Variants in TICRR observed in about 807,000 individuals in gnomAD.
The protein encoded by TICRR is treslin.
TICRR carries 132 observed loss-of-function variants against 178.1 expected under a neutral mutation model. The observed-to-expected ratio is 0.74, with a 90% CI of 0.64 to 0.86. TICRR has a LOEUF of 0.86. Ranked by LOEUF, TICRR falls within the 40% of genes least tolerant of loss-of-function variation. The pLI, the probability that TICRR is intolerant of heterozygous loss-of-function variation, is 0.00. For synonymous variants in TICRR, 991 were observed against 900.7 expected, an observed-to-expected ratio of 1.10 and a Z score of -1.79; for missense variants, 2,587 against 2,334.3, an observed-to-expected ratio of 1.11 and a Z score of -2.23.
In TICRR at chr15:89,575,837, T is replaced by G; in HGVS notation, c.251T>G (p.Leu84Arg). 6.3e-7 allele frequency: 1 copy of G among 1,591,470 alleles called. No individual in the cohort carries two copies. The change falls in exon 1 of 22, where the codon CTC (leucine) becomes CGC (arginine). Residue 84 changes from leucine (L) to arginine (R), a missense_variant. By Grantham distance (102) the Leu-to-Arg change is moderately radical (BLOSUM62 -2). Transcript: ENST00000268138. Reference sequence around the variant, plus strand: ...TTTGAGGAGGAGCTGGAGGCCAGGCTCGAGGATCGCGCCCACCTGCCCGGC... The same window carrying G: ...TTTGAGGAGGAGCTGGAGGCCAGGCGCGAGGATCGCGCCCACCTGCCCGGC... ...EDFEEELEAR[L>R]EDRAHLPGPA...
chr15:89,580,996 A>G (rs751974774), intron 1 of TICRR, among the ~76,000 whole-genome samples: 12 of 152,184 alleles, frequency 7.9e-5, no homozygotes, highest in Non-Finnish European at 1.5e-4. Flanking sequence ...TGTTCATACC[A>G]CTGCACTCCA....
intron 19 of TICRR, among the ~76,000 whole-genome samples, chr15:89,623,008 C>T (rs572470430): frequency 2.6e-5 from 4 of 152,334 alleles, no homozygotes; most frequent in African/African-American, 7.2e-5. Flanking sequence ...AGTCCCCTGA[C>T]GGGATGAAGG....
In TICRR at chr15:89,625,719, A is replaced by T. The variant is rs145792108; in HGVS notation, c.5409A>T (p.Lys1803Asn). The change falls in exon 20 of 22, where the codon AAA becomes AAT. Residue 1803 changes from lysine to asparagine, a missense_variant. Physicochemically the swap from Lys to Asn is moderately conservative, Grantham distance 94 (BLOSUM62 0). Coordinates refer to ENST00000268138, the MANE Select transcript of TICRR (RefSeq NM_152259.4). ...LREDSEVSKS[K>N]EGSPSWSAWQ... ...AAGATTCAGAAGTTAGTAAGAGTAA[A>T]GAGGGGTCTCCAAGTTGGAGTGCAT... The T allele has an allele frequency of 1.9e-6, 3 of 1,613,260 alleles. No individual in the cohort carries two copies. In the African/African-American group the frequency reaches 4.0e-5, roughly 22 times the overall value.
intron 14 of TICRR, among the ~76,000 whole-genome samples, chr15:89,607,833 G>A (rs541919603): frequency 1.3e-5 from 2 of 152,034 alleles, no homozygotes; most frequent in Non-Finnish European, 2.9e-5. Flanking sequence ...GTATTGTCTT[G>A]CTGGCTTTGC....
In TICRR at chr15:89,601,774, T is replaced by C; in HGVS notation, c.2365T>C (p.Tyr789His). 11 of 1,614,170 alleles carry C rather than the reference T, an allele frequency of 6.8e-6. No individual in the cohort carries two copies. Among genetic ancestry groups the C allele is most frequent in the Non-Finnish European group, 9.3e-6 (11 of 1,180,012 alleles). Residue 789 changes from tyrosine (Y) to histidine (H), a missense_variant, in exon 12 of 22, where the codon TAC becomes CAC. Transcript: ENST00000268138. Reference protein sequence around the residue: ...DSIPKTLGNLYNSLGFVIPQK... With the variant: ...DSIPKTLGNLHNSLGFVIPQK... Reference sequence around the variant, plus strand: ...TATCCCAAAGACACTTGGAAATCTTTACAACAGCCTAGGGTTTGTGATTCC... The same window carrying C: ...TATCCCAAAGACACTTGGAAATCTTCACAACAGCCTAGGGTTTGTGATTCC...
rs1009938526 is a variant in TICRR at position 89,601,474 on chromosome 15, T to C, written c.2248-15T>C. ...AGAGGGCATCTATATAGTAACGTTC[T>C]AAAATCTCCTTCAGGTGACAGATTT... is the stretch of plus-strand genomic sequence containing the variant. On this transcript the variant is annotated splice_polypyrimidine_tract_variant and intron_variant, in intron 10 of 21. Transcript: ENST00000268138. 1.9e-6 allele frequency: 3 copies of C among 1,614,118 alleles called. No individual in the cohort carries two copies. The highest frequency in any genetic ancestry group is 2.5e-6 in the Non-Finnish European group (3 of 1,179,942).
In TICRR at chr15:89,594,399, C is replaced by T. The variant is rs1024022240; in HGVS notation, c.1542-16C>T. 6.3e-7 allele frequency: 1 copy of T among 1,592,342 alleles called. No individual in the cohort carries two copies. Among genetic ancestry groups the T allele is most frequent in the Non-Finnish European group, 8.5e-7 (1 of 1,169,634 alleles). On this transcript the variant is annotated splice_polypyrimidine_tract_variant and intron_variant, in intron 5 of 21. Coordinates refer to ENST00000268138, the MANE Select transcript of TICRR (RefSeq NM_152259.4). Reference sequence around the variant, plus strand: ...ATTAGAATGTTGGTTTTATTCTAGACATCTTGACTTCACAGGTTACTACAG... The same window carrying T: ...ATTAGAATGTTGGTTTTATTCTAGATATCTTGACTTCACAGGTTACTACAG...
At chr15:89,588,475 C>A (rs150177427) in intron 4 of TICRR, among the ~76,000 whole-genome samples, 1 of 151,992 alleles carries the variant, frequency 6.6e-6, no homozygotes, top group Non-Finnish European at 1.5e-5. Context: ...GTCCATGGAA[C>A]GAGGCAGGGT....
At chr15:89,577,735 A>G (rs1348664928) in intron 1 of TICRR, among the ~76,000 whole-genome samples, 1 of 148,160 alleles carries the variant, frequency 6.7e-6, no homozygotes, top group African/African-American at 2.5e-5. Context: ...CAGCCTCCCA[A>G]GTAGCTGGGA....
chr15:89,576,591 T>A lies in TICRR; in HGVS notation c.654+351T>A, dbSNP rs1288197597. On this transcript the variant is annotated intron_variant, in intron 1 of 21. Coordinates refer to ENST00000268138, the MANE Select transcript of TICRR (RefSeq NM_152259.4). The stretch of plus-strand genomic sequence containing the variant: ...TTCAATCTGCCTGGAATGCCAGTTC[T>A]CACTCTTCCAGGCCAGTCTTAACTT... Among the ~76,000 whole-genome samples the A allele has an allele frequency of 4.6e-5, 7 of 152,228 alleles. No homozygotes were observed. The East Asian group carries it at 1.4e-3, about 30-fold the overall frequency.
In TICRR at chr15:89,582,976, A is replaced by T; in HGVS notation, c.934+11A>T. On this transcript the variant is annotated intron_variant, in intron 2 of 21. Transcript: ENST00000268138. ...TTCTCCCTGTTGAAGGTAAGCAAATAATATTTTAAGGTTTTTTTTTTTTTA... is the reference window on the plus strand; with the variant it reads ...TTCTCCCTGTTGAAGGTAAGCAAATTATATTTTAAGGTTTTTTTTTTTTTA... 1 of 1,584,416 alleles carries T rather than the reference A, an allele frequency of 6.3e-7. No individual in the cohort carries two copies. The highest frequency in any genetic ancestry group is 8.6e-7 in the Non-Finnish European group (1 of 1,168,764).
chr15:89,603,471 G>C (rs1963128676), intron 13 of TICRR, among the ~76,000 whole-genome samples: 2 of 152,178 alleles, frequency 1.3e-5, no homozygotes, highest in South Asian at 4.1e-4. Flanking sequence ...TGTAGGCCCA[G>C]CTATTCAGGA....
rs769202857 is a variant in TICRR at position 89,624,006 on chromosome 15, G to A, written c.3696G>A (p.Ser1232=). Residue 1232 remains serine, a synonymous_variant, in exon 20 of 22, where the codon TCG becomes TCA. Transcript: ENST00000268138. ...CCTGTCCAGCCCCTCCAACTTCATC[G>A]ACTGCCCAGCCCAGGAGAGAGTGTC... is the stretch of plus-strand genomic sequence containing the variant. ...SPSCPAPPTS[S]TAQPRRECLT... 14 of 1,613,470 alleles carry A rather than the reference G, an allele frequency of 8.7e-6. No individual in the cohort carries two copies. Among genetic ancestry groups the A allele is most frequent in the Admixed American group, 5.0e-5 (3 of 59,948 alleles).
At chr15:89,607,853 C>T (rs1361796533) in intron 14 of TICRR, among the ~76,000 whole-genome samples, 1 of 152,084 alleles carries the variant, frequency 6.6e-6, no homozygotes, top group East Asian at 1.9e-4. Flanking sequence ...CCACGTACTT[C>T]TTGACTTTTC....
Position 89,626,393 on chromosome 15 carries a change from T to C in TICRR, c.5602+332T>C, listed in dbSNP as rs553681632. Among the ~76,000 whole-genome samples the C allele has an allele frequency of 5.9e-5, 9 of 152,342 alleles. No homozygotes were observed. The South Asian group carries it at 1.9e-3, about 32-fold the overall frequency. On this transcript the variant is annotated intron_variant, in intron 21 of 21. Transcript: ENST00000268138. Reference sequence around the variant, plus strand: ...GAGCAGCACGAGTGATAGGCCTGTTTAGAGCTAGTTCCCCACAGCGGGTTT... The same window carrying C: ...GAGCAGCACGAGTGATAGGCCTGTTCAGAGCTAGTTCCCCACAGCGGGTTT...
At chr15:89,587,464 A>G (rs528429146) in intron 4 of TICRR, among the ~76,000 whole-genome samples, 2 of 152,222 alleles carry the variant, frequency 1.3e-5, no homozygotes, top group Admixed American at 1.3e-4. Context: ...GAAGGGGACT[A>G]AGGACTAACC....
intron 4 of TICRR, 176 bp from the exon 5 acceptor site, chr15:89,591,871 T>G (rs1021835286): frequency 2.2e-6 from 1 of 452,524 alleles, no homozygotes; most frequent in African/African-American, 1.9e-5. Flanking sequence ...GTAGCATTTT[T>G]TATTTACCAC....
chr15:89,589,287 G>A lies in TICRR; in HGVS notation c.1412-2760G>A, dbSNP rs1272564824. On this transcript the variant is annotated intron_variant, in intron 4 of 21. Coordinates refer to ENST00000268138, the MANE Select transcript of TICRR (RefSeq NM_152259.4). ...ATTGATTCCTGATGGTTTCAACGCA[G>A]CTAATGGTGCTGAACCTGTGAGTTT... Among the ~76,000 whole-genome samples, 4 of 152,198 alleles carry A rather than the reference G, an allele frequency of 2.6e-5. No homozygotes were observed. In the East Asian group the frequency reaches 5.8e-4, roughly 22 times the overall value.
intron 15 of TICRR, among the ~76,000 whole-genome samples, chr15:89,613,105 T>C (rs912127885): frequency 6.6e-6 from 1 of 152,232 alleles, no homozygotes; most frequent in Non-Finnish European, 1.5e-5. Context: ...TAGTATTATT[T>C]ATAGTGTAGG....
Sources: allele counts gnomAD v4.1 joint callset (sites outside exome capture counted in the v4.1 genomes callset), GRCh38; gene constraint gnomAD v4.1.1; transcripts MANE v1.5; gene names NCBI Gene and HGNC (gene_info 2026-07-23, HGNC 2026-07-21).